The following PKP4 variants were observed in gnomAD, a reference collection of about 807,000 sequenced individuals.
PKP4 encodes plakophilin 4.
A neutral mutation model predicts 145.1 loss-of-function variants in PKP4; 90 were observed. The ratio of observed to expected loss-of-function variants is 0.62; its 90% CI spans 0.52 to 0.74. PKP4 has a LOEUF of 0.74. Ranked by LOEUF, PKP4 falls within the 30% of genes least tolerant of loss-of-function variation. The pLI is 0.00. For synonymous variants in PKP4, 563 were observed against 577.2 expected (o/e 0.98, Z 0.35); for missense variants, 1,340 against 1,482.7 (o/e 0.90, Z 1.58).
chr2:158,603,153 T>C (rs761014794), intron 4 of PKP4, 49 bp downstream of exon 4: 1 of 1,000,236 alleles, frequency 1.0e-6, no homozygotes, highest in African/African-American at 1.7e-5. Flanking sequence ...ACAAATTACA[T>C]AGCCTACTCT....
intron 4 of PKP4, among the ~76,000 whole-genome samples, chr2:158,611,619 T>A (rs1046293414): frequency 6.6e-6 from 1 of 152,182 alleles, no homozygotes; most frequent in African/African-American, 2.4e-5. Flanking sequence ...AAACACTTTA[T>A]GCCTCAGTAG....
chr2:158,657,772 A>G (rs1428929688), intron 11 of PKP4, among the ~76,000 whole-genome samples: 1 of 152,236 alleles, frequency 6.6e-6, no homozygotes, highest in African/African-American at 2.4e-5. Flanking sequence ...GCAGTTTTGT[A>G]AAAATCACAG....
At chr2:158,594,616 G>C (rs1404917047) in intron 3 of PKP4, among the ~76,000 whole-genome samples, 1 of 152,152 alleles carries the variant, frequency 6.6e-6, no homozygotes, top group Non-Finnish European at 1.5e-5. Context: ...GAATTGCCCA[G>C]GATCTGACAG....
intron 2 of PKP4, among the ~76,000 whole-genome samples, chr2:158,558,419 A>G (rs537357167): frequency 2.6e-5 from 4 of 152,156 alleles, no homozygotes; most frequent in Non-Finnish European, 5.9e-5. Flanking sequence ...CAGGGTGGGC[A>G]AAAAATAGAA....
At chr2:158,615,198 AT>A (rs36018037) in intron 4 of PKP4, among the ~76,000 whole-genome samples, 4 of 151,564 alleles carry the variant, frequency 2.6e-5, no homozygotes, top group South Asian at 2.1e-4. Context: ...ATATTTGGTA[AT>A]TTTTTTTCCC....
chr2:158,474,841 G>A (rs1262440782), intron 1 of PKP4, among the ~76,000 whole-genome samples: 3 of 152,150 alleles, frequency 2.0e-5, no homozygotes, highest in Non-Finnish European at 4.4e-5. Flanking sequence ...GGTCCATGTA[G>A]AAGAGCCCTC....
intron 2 of PKP4, among the ~76,000 whole-genome samples, chr2:158,534,230 G>C (rs1186621091): frequency 1.3e-5 from 2 of 152,158 alleles, no homozygotes; most frequent in Non-Finnish European, 2.9e-5. Flanking sequence ...GAAGATTGAG[G>C]AAACATTTAT....
intron 1 of PKP4, among the ~76,000 whole-genome samples, chr2:158,531,653 G>A (rs1019457168): frequency 1.1e-4 from 17 of 152,044 alleles, no homozygotes; most frequent in Non-Finnish European, 2.2e-4. Context: ...ATTGTATAAA[G>A]AACTAGCCAT....
intron 3 of PKP4, among the ~76,000 whole-genome samples, chr2:158,597,221 A>G (rs904666428): frequency 1.3e-5 from 2 of 152,232 alleles, no homozygotes; most frequent in African/African-American, 4.8e-5. Flanking sequence ...TGCAGTAAAC[A>G]TCTTTTCTAT....
chr2:158,576,081 A>C (rs1330406777), intron 2 of PKP4, among the ~76,000 whole-genome samples: 1 of 152,176 alleles, frequency 6.6e-6, no homozygotes, highest in Non-Finnish European at 1.5e-5. Context: ...TTAGGAAAGG[A>C]TTCTCAGTAT....
chr2:158,479,593 A>G (rs762031402), intron 1 of PKP4, among the ~76,000 whole-genome samples: 19 of 152,224 alleles, frequency 1.2e-4, no homozygotes, highest in Non-Finnish European at 2.5e-4. Context: ...ATATAGTCTT[A>G]TTAAGCTTCT....
chr2:158,469,700 G>A (rs760813293), intron 1 of PKP4, among the ~76,000 whole-genome samples: 12 of 152,132 alleles, frequency 7.9e-5, no homozygotes, highest in Non-Finnish European at 1.8e-4. Flanking sequence ...AGCTGAGAAG[G>A]TAAGTGTTGA....
intron 9 of PKP4, among the ~76,000 whole-genome samples, chr2:158,638,215 A>G (rs1284197988): frequency 6.6e-6 from 1 of 152,244 alleles, no homozygotes; most frequent in Non-Finnish European, 1.5e-5. Context: ...CCAGGAATTC[A>G]TCTATTTAGA....
chr2:158,641,141 A>C (rs2054244193), intron 10 of PKP4, among the ~76,000 whole-genome samples: 1 of 152,186 alleles, frequency 6.6e-6, no homozygotes, highest in Non-Finnish European at 1.5e-5. Context: ...ATTCAAGACC[A>C]GCCTGGCCAA....
At chr2:158,479,698 GAA>G (rs1209424323) in intron 1 of PKP4, among the ~76,000 whole-genome samples, 1 of 151,392 alleles carries the variant, frequency 6.6e-6, no homozygotes, top group African/African-American at 2.4e-5. Flanking sequence ...CTGTATTAAG[GAA>G]AAAAAAGCTT....
chr2:158,496,231 C>G (rs1267625707), intron 1 of PKP4, among the ~76,000 whole-genome samples: 1 of 152,060 alleles, frequency 6.6e-6, no homozygotes, highest in Non-Finnish European at 1.5e-5. Flanking sequence ...TCCACCTGCT[C>G]CAGCCTCCCA....
At chr2:158,611,553 A>G (rs1437407669) in intron 4 of PKP4, among the ~76,000 whole-genome samples, 3 of 152,214 alleles carry the variant, frequency 2.0e-5, no homozygotes, top group African/African-American at 7.2e-5. Flanking sequence ...GGTGCAAGTA[A>G]TTTACAACAC....
At chr2:158,599,329 G>C (rs1260031382) in intron 3 of PKP4, among the ~76,000 whole-genome samples, 1 of 152,200 alleles carries the variant, frequency 6.6e-6, no homozygotes, top group Non-Finnish European at 1.5e-5. Flanking sequence ...TGATAGCCAT[G>C]TGTCAGATAC....
At chr2:158,577,211 A>G (rs1020291549) in intron 2 of PKP4, 60 bp from the exon 3 acceptor site, 4 of 986,476 alleles carry the variant, frequency 4.1e-6, no homozygotes, top group South Asian at 1.4e-5. Context: ...ATTAATTCAT[A>G]TATCTGCCTG....
Sources: gnomAD v4.1 joint callset for allele counts (sites outside exome capture counted in the v4.1 genomes callset) on GRCh38, gnomAD v4.1.1 for gene constraint, MANE v1.5 for transcripts, NCBI Gene and HGNC (gene_info 2026-07-23, HGNC 2026-07-21) for gene names.